TRHDE: variants seen among roughly 807,000 people sequenced by gnomAD.
The protein encoded by TRHDE is thyrotropin releasing hormone degrading enzyme.
In TRHDE, 72 loss-of-function variants were observed where a neutral mutation model predicts 125.7. The ratio of observed to expected loss-of-function variants is 0.57; its 90% confidence interval spans 0.47 to 0.70. The LOEUF (loss-of-function observed/expected upper bound fraction) is 0.70, where lower values mean the gene tolerates loss of function less well. Ranked by LOEUF, TRHDE falls within the 30% of genes least tolerant of loss-of-function variation. The pLI is 0.00. For missense variants in TRHDE, 1,110 were observed against 1,327.1 expected (o/e 0.84, Z 2.54); for synonymous variants, 509 against 509.1 (o/e 1.00, Z 0.00).
chr12:72,288,549 T>C (rs1879974751), intron 2 of TRHDE, among the ~76,000 whole-genome samples: 1 of 152,198 alleles, frequency 6.6e-6, no homozygotes, highest in Non-Finnish European at 1.5e-5. Context: ...TTCAAGGCTG[T>C]ACTCATTGGA....
chr12:72,597,915 G>A (rs961474944), intron 12 of TRHDE, among the ~76,000 whole-genome samples: 1 of 150,758 alleles, frequency 6.6e-6, no homozygotes, highest in Non-Finnish European at 1.5e-5. Context: ...TAACTCAGGA[G>A]GAAAAAGGAA....
intron 12 of TRHDE, among the ~76,000 whole-genome samples, chr12:72,598,207 G>A (rs906148134): frequency 9.2e-5 from 14 of 152,028 alleles, no homozygotes; most frequent in Non-Finnish European, 1.8e-4. Context: ...TCAACATTTT[G>A]TTTACATAGA....
In TRHDE at chr12:72,150,831, C is replaced by G. The variant is rs572760714; in HGVS notation, n.279+45079C>G. 4.0e-4 allele frequency among the ~76,000 whole-genome samples: 61 copies of G among 152,110 alleles called. No individual in the cohort carries two copies. In the South Asian group the frequency reaches 0.012, roughly 31 times the overall value. The stretch of plus-strand genomic sequence containing the variant: ...CATTTGGGTTGTTTCCAAGTCTTTG[C>G]TATTGTGAATAGTGCCGCAATAAAC... On this transcript the variant is annotated intron_variant and non_coding_transcript_variant, in intron 2 of 4. Transcript: ENST00000548156.
chr12:72,359,799 T>C (rs914374169), intron 2 of TRHDE, among the ~76,000 whole-genome samples: 1 of 151,708 alleles, frequency 6.6e-6, no homozygotes, highest in Non-Finnish European at 1.5e-5. Context: ...CTGATATTCA[T>C]ACAAAATAAT....
At chr12:72,583,440 C>T (rs926860907) in intron 12 of TRHDE, among the ~76,000 whole-genome samples, 1 of 152,208 alleles carries the variant, frequency 6.6e-6, no homozygotes, top group Non-Finnish European at 1.5e-5. Context: ...ATCTATTTGT[C>T]ATCATCAGTG....
chr12:72,417,331 C>T (rs553651548), intron 3 of TRHDE, among the ~76,000 whole-genome samples: 5 of 152,042 alleles, frequency 3.3e-5, no homozygotes, highest in African/African-American at 1.2e-4. Context: ...TAATTGGAAT[C>T]GGTAGGAACT....
chr12:72,298,121 A>C (rs896998919), intron 2 of TRHDE, among the ~76,000 whole-genome samples: 3 of 152,218 alleles, frequency 2.0e-5, no homozygotes, highest in Admixed American at 1.3e-4. Flanking sequence ...CTACATATTG[A>C]AGAGGCTAAT....
chr12:72,139,741 G>T (rs1184432312), intron 2 of TRHDE, among the ~76,000 whole-genome samples: 2 of 152,086 alleles, frequency 1.3e-5, no homozygotes, highest in African/African-American at 2.4e-5. Flanking sequence ...TTACCCTATT[G>T]TAAATCAAAA....
At chr12:72,374,422 A>G (rs984512808) in intron 2 of TRHDE, among the ~76,000 whole-genome samples, 1 of 151,640 alleles carries the variant, frequency 6.6e-6, no homozygotes, top group Non-Finnish European at 1.5e-5. Context: ...TGAATTCATG[A>G]GTCTGGAAGT....
At chr12:72,228,696 A>T (rs916430924) in intron 2 of TRHDE, among the ~76,000 whole-genome samples, 1 of 152,288 alleles carries the variant, frequency 6.6e-6, no homozygotes, top group Non-Finnish European at 1.5e-5. Flanking sequence ...CCAACTCCAA[A>T]CCATGTCTTT....
chr12:72,288,977 C>T (rs572061220), intron 2 of TRHDE, among the ~76,000 whole-genome samples: 29 of 152,204 alleles, frequency 1.9e-4, no homozygotes, highest in African/African-American at 7.0e-4. Flanking sequence ...CCGTTGGGAG[C>T]TCTTATTTAT....
chr12:72,491,496 T>A (rs144221881), intron 5 of TRHDE, among the ~76,000 whole-genome samples: 63 of 152,074 alleles, frequency 4.1e-4, no homozygotes, highest in African/African-American at 1.5e-3. Context: ...ATCATTAAGT[T>A]CATTTTGTGT....
intron 2 of TRHDE, among the ~76,000 whole-genome samples, chr12:72,347,306 A>C (rs966627809): frequency 1.3e-5 from 2 of 152,102 alleles, no homozygotes; most frequent in African/African-American, 4.8e-5. Flanking sequence ...GGGTAGAGAC[A>C]AGGATCTTTG....
At chr12:72,620,499 G>A (rs1873007876) in intron 13 of TRHDE, among the ~76,000 whole-genome samples, 2 of 151,864 alleles carry the variant, frequency 1.3e-5, no homozygotes, top group South Asian at 2.1e-4. Context: ...ACTCCAGCCT[G>A]AGCAACAGAG....
At chr12:72,538,911 C>T (rs1397953746) in intron 6 of TRHDE, among the ~76,000 whole-genome samples, 5 of 151,898 alleles carry the variant, frequency 3.3e-5, no homozygotes, top group African/African-American at 9.7e-5. Flanking sequence ...CCCTGGTATT[C>T]AAAGTCCTCT....
Position 72,289,333 on chromosome 12 carries a change from T to A in TRHDE, c.1188+2379T>A, listed in dbSNP as rs116804487. ...CATCATCACTGTTATTATTTGCTGA[T>A]CAAGCTACCTACATTTTGCAAGGCA... On this transcript the variant is annotated intron_variant, in intron 2 of 18. Transcript: ENST00000261180. 4.9e-3 allele frequency among the ~76,000 whole-genome samples: 744 copies of A among 152,256 alleles called. 5 individuals are homozygous for A. The highest frequency in any genetic ancestry group is 0.016 in the African/African-American group (683 of 41,554).
intron 2 of TRHDE, among the ~76,000 whole-genome samples, chr12:72,168,125 C>T (rs972575261): frequency 4.6e-5 from 7 of 152,094 alleles, no homozygotes; most frequent in African/African-American, 1.7e-4. Context: ...AGCAGATATG[C>T]ATATTTTGGA....
chr12:72,295,945 G>C (rs1880283322), intron 2 of TRHDE, among the ~76,000 whole-genome samples: 1 of 152,144 alleles, frequency 6.6e-6, no homozygotes, highest in South Asian at 2.1e-4. Flanking sequence ...GTAAGTAGAG[G>C]CTTCCTTCCT....
At chr12:72,544,340 C>T (rs1869304463) in intron 7 of TRHDE, among the ~76,000 whole-genome samples, 1 of 151,414 alleles carries the variant, frequency 6.6e-6, no homozygotes, top group Non-Finnish European at 1.5e-5. Context: ...GCTTCCCATC[C>T]AGAAGGCCCT....
Sources: allele counts gnomAD v4.1 joint callset (sites outside exome capture counted in the v4.1 genomes callset), GRCh38; gene constraint gnomAD v4.1.1; transcripts MANE v1.5; gene names NCBI Gene and HGNC (gene_info 2026-07-23, HGNC 2026-07-21).